The following TMEM8B variants were observed in gnomAD, a reference collection of about 807,000 sequenced individuals.
TMEM8B encodes nasopharyngeal carcinoma expressed 6.
In TMEM8B, 29 loss-of-function variants were observed where a neutral mutation model predicts 49.3. That is an observed-to-expected ratio of 0.59 (90% CI 0.44 to 0.80). TMEM8B has a LOEUF of 0.80. TMEM8B is among the 30% of genes least tolerant of loss of function. TMEM8B has a pLI of 0.00. For missense variants in TMEM8B, 575 were observed against 658.5 expected, an observed-to-expected ratio of 0.87 and a Z score of 1.39; for synonymous variants, 264 against 272.8, an observed-to-expected ratio of 0.97 and a Z score of 0.32.
In TMEM8B at chr9:35,853,111, C is replaced by G. The variant is rs143221834; in HGVS notation, c.2323-30C>G. 1 of 1,611,050 alleles carries G rather than the reference C, an allele frequency of 6.2e-7. No homozygotes were observed. Among genetic ancestry groups the G allele is most frequent in the Non-Finnish European group, 8.5e-7 (1 of 1,177,406 alleles). ...CTGGAGTGCTGTCTGTCACCTGGCC[C>G]TAGCCCAGCCCTTGAGTCTCTTTCT... On this transcript the variant is annotated intron_variant, in intron 11 of 12. Transcript: ENST00000643932. The surrounding 1 kb of genome is among the most constrained non-coding windows in gnomAD (Gnocchi z 4.2).
intron 6 of TMEM8B, chr9:35,845,541 G>C: frequency 1.0e-6 from 1 of 985,418 alleles, no homozygotes; most frequent in Non-Finnish European, 1.2e-6. Flanking sequence ...ACCTGAGTTG[G>C]AGTGAGTGTC....
rs1307303269 is a variant in TMEM8B, at chr9:35,859,011, A to G, written c.*5171A>G. 1 of 152,762 alleles carries G rather than the reference A, an allele frequency of 6.5e-6. No homozygotes were observed. Among genetic ancestry groups the G allele is most frequent in the Non-Finnish European group, 1.5e-5 (1 of 68,092 alleles). 9.5% of individuals were successfully genotyped at this position (152,762 alleles called of 1,614,324 possible). On this transcript the variant is annotated 3_prime_UTR_variant, in exon 13 of 13. Coordinates refer to ENST00000643932, the MANE Select transcript of TMEM8B (RefSeq NM_001042590.4). ...TCATGACCACAGCACAACCTAGCCT[A>G]TGCCAGCTGACAGGGGCAGAGGGCA...
rs1832629734 is a variant in TMEM8B, at chr9:35,860,424, G to C, written c.*6584G>C. 6.6e-6 allele frequency: 1 copy of C among 152,208 alleles called. No homozygotes were observed. The highest frequency in any genetic ancestry group is 1.5e-5 in the Non-Finnish European group (1 of 68,046). The allele number at this position is 152,208 out of a possible 1,614,324, so 9.4% of individuals were successfully genotyped here. On this transcript the variant is annotated 3_prime_UTR_variant, in exon 13 of 13. Coordinates refer to ENST00000643932, the MANE Select transcript of TMEM8B (RefSeq NM_001042590.4). The stretch of plus-strand genomic sequence containing the variant: ...TTTATTAAGTACCTATTCTGTGCTA[G>C]GTATCAGGTGCTGGGGCTATAGCAG...
At position 35,853,600 on chromosome 9, in the gene TMEM8B, C is replaced by T. The variant is rs201532987; in HGVS notation, c.2535C>T (p.Ala845=). The change falls in exon 13 of 13, where the codon GCC becomes GCT. Residue 845 remains alanine (A), a synonymous_variant. Transcript: ENST00000643932. The surrounding 1 kb of genome is among the most constrained non-coding windows in gnomAD (Gnocchi z 4.2). The stretch of plus-strand genomic sequence containing the variant: ...CTGGCAGCCTTATTGCAGGCAGTGC[C>T]GTCCTGCTTTATGCTTTTGTGGAGA... ...LCPGSLIAGS[A]VLLYAFVETR... is the part of the protein sequence containing the mutation. 783 of 1,614,240 alleles carry T rather than the reference C, an allele frequency of 4.9e-4. No homozygotes were observed. The highest frequency in any genetic ancestry group is 6.2e-4 in the Admixed American group (37 of 60,028).
Position 35,852,919 on chromosome 9 carries a change from G to T in TMEM8B, c.2268G>T (p.Met756Ile). The change falls in exon 11 of 13, where the codon ATG (methionine) becomes ATT (isoleucine). Residue 756 changes from methionine (M) to isoleucine (I), a missense_variant. By Grantham distance (10) the Met-to-Ile change is conservative. Transcript: ENST00000643932. ...LQFCDFLGSL[M>I]SVWVTVIAMA... The stretch of plus-strand genomic sequence containing the variant: ...TCTGTGATTTCCTGGGCTCCTTAAT[G>T]TCCGTGTGGGTCACTGTCATTGCCA... 6.2e-7 allele frequency: 1 copy of T among 1,614,206 alleles called. No homozygotes were observed. Among genetic ancestry groups the T allele is most frequent in the Non-Finnish European group, 8.5e-7 (1 of 1,180,034 alleles).
At position 35,863,526 on chromosome 9, in the gene TMEM8B, G is replaced by C. The variant is rs1036351363; in HGVS notation, c.*9686G>C. 6.6e-6 allele frequency: 1 copy of C among 152,206 alleles called. No homozygotes were observed. Among genetic ancestry groups the C allele is most frequent in the East Asian group, 1.9e-4 (1 of 5,198 alleles). 9.4% of individuals were successfully genotyped at this position (152,206 alleles called of 1,614,324 possible). On this transcript the variant is annotated 3_prime_UTR_variant, in exon 13 of 13. Coordinates refer to ENST00000643932, the MANE Select transcript of TMEM8B (RefSeq NM_001042590.4). ...CAGGCTGGGACATCAGATAGAAGCT[G>C]GTTCCCATGGTGGCTGGGTTGGGAT...
In TMEM8B at chr9:35,841,729, G is replaced by T. The variant is rs975852693; in HGVS notation, c.1244G>T (p.Arg415Leu). The change falls in exon 5 of 13, where the codon CGT becomes CTT. Residue 415 changes from arginine (R) to leucine (L), a missense_variant. Transcript: ENST00000643932. This position sits in a 1 kb window ranked among gnomAD's most constrained non-coding sequence, Gnocchi z 5.9. ...LPPWGHWVYV[R>L]VETSSRGPGR... is the part of the protein sequence containing the mutation. ...CCCTGGGGGCACTGGGTCTACGTGC[G>T]TGTGGAAACATCATCCCGGGGCCCT... is the stretch of plus-strand genomic sequence containing the variant. 6 of 415,832 alleles carry T rather than the reference G, an allele frequency of 1.4e-5. No homozygotes were observed. The highest frequency in any genetic ancestry group is 2.6e-5 in the Non-Finnish European group (6 of 226,516). 25.8% of individuals were successfully genotyped at this position (415,832 alleles called of 1,614,324 possible). A position where few individuals can be genotyped will look rare whatever the true frequency, so the allele number is the denominator to read the frequency against.
chr9:35,841,215 G>A lies in TMEM8B; in HGVS notation c.988G>A (p.Gly330Ser), dbSNP rs1256041205. 2 of 416,048 alleles carry A rather than the reference G, an allele frequency of 4.8e-6. No individual in the cohort carries two copies. Among genetic ancestry groups the A allele is most frequent in the African/African-American group, 4.1e-5 (2 of 48,648 alleles). 25.8% of individuals were successfully genotyped at this position (416,048 alleles called of 1,614,324 possible). Reference protein sequence around the residue: ...RLLDVAVLVPGRPSEQTLSPH... With the variant: ...RLLDVAVLVPSRPSEQTLSPH... ...GCTGGACGTCGCTGTGCTGGTTCCT[G>A]GCCGGCCCTCAGAGCAAACCCTCTC... Residue 330 changes from glycine to serine, a missense_variant, in exon 4 of 13, where the codon GGC becomes AGC. Coordinates refer to ENST00000643932, the MANE Select transcript of TMEM8B (RefSeq NM_001042590.4). This position sits in a 1 kb window ranked among gnomAD's most constrained non-coding sequence, Gnocchi z 5.9.
In TMEM8B at chr9:35,861,991, A is replaced by C. The variant is rs908120175; in HGVS notation, c.*8151A>C. 2.6e-5 allele frequency: 4 copies of C among 152,254 alleles called. No individual in the cohort carries two copies. Among genetic ancestry groups the C allele is most frequent in the Non-Finnish European group, 5.9e-5 (4 of 68,050 alleles). The allele number at this position is 152,254 out of a possible 1,614,324, so 9.4% of individuals were successfully genotyped here. A position where few individuals can be genotyped will look rare whatever the true frequency, so the allele number is the denominator to read the frequency against. On this transcript the variant is annotated 3_prime_UTR_variant, in exon 13 of 13. Transcript: ENST00000643932. ...TAGGGGCACTTGGGTAATCTTGGTC[A>C]GTAACTGACCTTTAACTATCATCCA... is the stretch of plus-strand genomic sequence containing the variant.
rs1376185342 is a variant in TMEM8B at position 35,853,627 on chromosome 9, C to A, written c.2562C>A (p.Thr854=). Residue 854 remains threonine (T), a synonymous_variant, in exon 13 of 13, where the codon ACC becomes ACA. Transcript: ENST00000643932. The surrounding 1 kb of genome is among the most constrained non-coding windows in gnomAD (Gnocchi z 4.2). ...SAVLLYAFVE[T]RDNYFYIHSI... ...TCCTGCTTTATGCTTTTGTGGAGACCCGGGACAACTACTTCTACATTCACA... is the reference window on the plus strand; with the variant it reads ...TCCTGCTTTATGCTTTTGTGGAGACACGGGACAACTACTTCTACATTCACA... The A allele has an allele frequency of 6.2e-7, 1 of 1,614,224 alleles. No individual in the cohort carries two copies. Among genetic ancestry groups the A allele is most frequent in the East Asian group, 2.2e-5 (1 of 44,884 alleles).
intron 6 of TMEM8B, chr9:35,845,562 A>C: frequency 1.0e-6 from 1 of 985,396 alleles, no homozygotes; most frequent in Non-Finnish European, 1.2e-6. Flanking sequence ...TTCATGCTCC[A>C]CCTGTCTTGG....
chr9:35,844,456 C>T, intron 6 of TMEM8B, among the ~76,000 whole-genome samples: 1 of 152,250 alleles, frequency 6.6e-6, no homozygotes, highest in East Asian at 1.9e-4. Flanking sequence ...GACCGCTTTC[C>T]CATCAGCCAA....
chr9:35,835,109 G>A lies in TMEM8B; in HGVS notation c.797G>A (p.Trp266Ter). 2.4e-6 allele frequency: 1 copy of A among 415,830 alleles called. No homozygotes were observed. Among genetic ancestry groups the A allele is most frequent in the Non-Finnish European group, 4.4e-6 (1 of 226,454 alleles). The allele number at this position is 415,830 out of a possible 1,614,324, so 25.8% of individuals were successfully genotyped here. The change falls in exon 3 of 13, where the codon TGG (tryptophan) becomes TAG (stop). Residue 266 changes from tryptophan to a stop codon, truncating the protein, a stop_gained. Coordinates refer to ENST00000643932, the MANE Select transcript of TMEM8B (RefSeq NM_001042590.4). LOFTEE classifies it high-confidence loss of function. ...VPGVFSLTLS[W>*]TLPNRTSGIF... ...GGGGTTTTCTCACTGACCCTCAGCT[G>A]GACACTGCCCAACCGCACCTCAGGC...
At chr9:35,846,444 C>T in intron 8 of TMEM8B, 25 bp from the exon 9 acceptor site, 8 of 1,596,894 alleles carry the variant, frequency 5.0e-6, no homozygotes, top group Non-Finnish European at 6.8e-6. Flanking sequence ...CCCGGGGCCC[C>T]AGGTGACTGC....
rs1463110873 is a variant in TMEM8B at position 35,856,246 on chromosome 9, C to G, written c.*2406C>G. ...AAGCTCTTAGAACACTTGTATAGTG[C>G]CTAGTCTGGTATGTGATGTGGTCCA... is the stretch of plus-strand genomic sequence containing the variant. On this transcript the variant is annotated 3_prime_UTR_variant, in exon 13 of 13. Transcript: ENST00000643932. 1 of 152,164 alleles carries G rather than the reference C, an allele frequency of 6.6e-6. No individual in the cohort carries two copies. The highest frequency in any genetic ancestry group is 1.5e-5 in the Non-Finnish European group (1 of 68,050). The allele number at this position is 152,164 out of a possible 1,614,324, so 9.4% of individuals were successfully genotyped here. A position where few individuals can be genotyped will look rare whatever the true frequency, so the allele number is the denominator to read the frequency against.
At chr9:35,836,871 G>A (rs367877903) in intron 3 of TMEM8B, among the ~76,000 whole-genome samples, 10 of 152,170 alleles carry the variant, frequency 6.6e-5, no homozygotes, top group Non-Finnish European at 1.0e-4. Context: ...TCTGGACGCC[G>A]TGAGAGATGT....
At position 35,847,001 on chromosome 9, in the gene TMEM8B, C is replaced by T. The variant is rs755434871; in HGVS notation, c.2175+6C>T. On this transcript the variant is annotated splice_donor_region_variant and intron_variant, in intron 10 of 12. Coordinates refer to ENST00000643932, the MANE Select transcript of TMEM8B (RefSeq NM_001042590.4). ...TCACCATGTTCTTCTCCACGGTATG[C>T]GGTGGTGTCTGCATCTTATCACTGG... 4 of 1,614,054 alleles carry T rather than the reference C, an allele frequency of 2.5e-6. No individual in the cohort carries two copies. The highest frequency in any genetic ancestry group is 2.2e-5 in the East Asian group (1 of 44,890).
chr9:35,832,849 A>T (rs1470940354), intron 1 of TMEM8B, among the ~76,000 whole-genome samples: 1 of 152,032 alleles, frequency 6.6e-6, no homozygotes, highest in Non-Finnish European at 1.5e-5. Context: ...GTTCCTAGGA[A>T]ACCCGTCTCT....
At chr9:35,851,425 C>T (rs936235419) in intron 10 of TMEM8B, among the ~76,000 whole-genome samples, 4 of 152,202 alleles carry the variant, frequency 2.6e-5, no homozygotes, top group African/African-American at 7.2e-5. Flanking sequence ...GATTAACAGG[C>T]GTGAGCCACT....
Sources: gnomAD v4.1 joint callset for allele counts (sites outside exome capture counted in the v4.1 genomes callset) on GRCh38, gnomAD v4.1.1 for gene constraint, Gnocchi (gnomAD v3.1) non-coding constraint, MANE v1.5 for transcripts, NCBI Gene and HGNC (gene_info 2026-07-23, HGNC 2026-07-21) for gene names.